The following TBC1D14 variants were observed in gnomAD, a reference collection of about 807,000 sequenced individuals.
TBC1D14 encodes the protein TBC1 domain family member 14, also known as TBC1 domain family, member 14.
A neutral mutation model predicts 79.0 loss-of-function variants in TBC1D14; 26 were observed. The observed-to-expected ratio is 0.33, with a 90% CI of 0.24 to 0.46. The LOEUF (loss-of-function observed/expected upper bound fraction) is 0.46. TBC1D14 is among the 20% of genes least tolerant of loss of function. The pLI is 1.00. For synonymous variants in TBC1D14, 394 were observed against 349.9 expected (o/e 1.13, Z -1.40); for missense variants, 769 against 887.6 (o/e 0.87, Z 1.70).
At chr4:6,995,080 G>T (rs1454259716) in intron 4 of TBC1D14, among the ~76,000 whole-genome samples, 3 of 152,178 alleles carry the variant, frequency 2.0e-5, no homozygotes, top group African/African-American at 7.2e-5. Flanking sequence ...TGTGGGTCCT[G>T]TTGTGTGAGG....
intron 11 of TBC1D14, among the ~76,000 whole-genome samples, chr4:7,012,906 A>G (rs563324500): frequency 6.6e-6 from 1 of 152,368 alleles, no homozygotes; most frequent in South Asian, 2.1e-4. Flanking sequence ...TCATTGGCAC[A>G]GTATATACTG....
chr4:6,924,681 C>A (rs1239457912), intron 2 of TBC1D14, among the ~76,000 whole-genome samples: 1 of 152,160 alleles, frequency 6.6e-6, no homozygotes, highest in Non-Finnish European at 1.5e-5. Context: ...CCATGCACTC[C>A]GTCCCCATGG....
Position 6,971,555 on chromosome 4 carries a change from T to C in TBC1D14, c.843+4131T>C, listed in dbSNP as rs373959804. Among the ~76,000 whole-genome samples the C allele has an allele frequency of 1.0e-4, 16 of 152,396 alleles. No homozygotes were observed. In the East Asian group the frequency reaches 1.3e-3, roughly 13 times the overall value. On this transcript the variant is annotated intron_variant, in intron 3 of 13. Coordinates refer to ENST00000409757, the MANE Select transcript of TBC1D14 (RefSeq NM_020773.3). ...TAAACATTTTGAAAATTAAGTCATA[T>C]TTTTTGTTAACCTCGATGGTAGTTT...
intron 1 of TBC1D14, among the ~76,000 whole-genome samples, chr4:6,918,650 A>C (rs1723593821): frequency 6.6e-6 from 1 of 152,214 alleles, no homozygotes; most frequent in African/African-American, 2.4e-5. Context: ...GCAGAGCCAG[A>C]ATTTCAGCTG....
At chr4:6,965,925 T>G (rs548940696) in intron 2 of TBC1D14, among the ~76,000 whole-genome samples, 1 of 152,330 alleles carries the variant, frequency 6.6e-6, no homozygotes, top group Admixed American at 6.5e-5. Flanking sequence ...AGGAGACACT[T>G]TCAAACTGTG....
chr4:7,015,367 G>T (rs1036937276), intron 12 of TBC1D14, among the ~76,000 whole-genome samples: 1 of 152,196 alleles, frequency 6.6e-6, no homozygotes, highest in African/African-American at 2.4e-5. Context: ...CTTGACTGCG[G>T]TTGGGGAAGG....
At position 6,958,376 on chromosome 4, in the gene TBC1D14, T is replaced by TATACACACACACACAC. The variant is rs538972596; in HGVS notation, c.723-8927_723-8926insTACACACACACACACA. 1.5e-3 allele frequency among the ~76,000 whole-genome samples: 223 copies of TATACACACACACACAC among 149,222 alleles called. 2 individuals are homozygous for TATACACACACACACAC. The highest frequency in any genetic ancestry group is 0.014 in the Middle Eastern group (4 of 290). ...GGGTGATACACGTGATCCCCACATATACACACACACACACACACACACACA... is the reference window on the plus strand; with the variant it reads ...GGGTGATACACGTGATCCCCACATATATACACACACACACACACACACACACACACACACACACACA... On this transcript the variant is annotated intron_variant, in intron 2 of 13. Transcript: ENST00000409757.
chr4:6,958,035 A>G (rs985704520), intron 2 of TBC1D14, among the ~76,000 whole-genome samples: 2 of 151,912 alleles, frequency 1.3e-5, no homozygotes, highest in African/African-American at 2.4e-5. Context: ...TGCTGCCTAG[A>G]AATATAACTC....
chr4:7,001,295 T>C (rs1719652105), intron 7 of TBC1D14, 44 bp downstream of exon 7: 1 of 1,533,064 alleles, frequency 6.5e-7, no homozygotes, highest in South Asian at 1.1e-5. Flanking sequence ...TCCAGGCCCT[T>C]TGGCTTCTTC....
At chr4:6,975,099 A>G (rs1164981921) in intron 3 of TBC1D14, among the ~76,000 whole-genome samples, 1 of 152,058 alleles carries the variant, frequency 6.6e-6, no homozygotes, top group Admixed American at 6.6e-5. Flanking sequence ...TTTTTAGTAG[A>G]GACAGGGTTT....
At chr4:6,987,127 G>A (rs1376704868) in intron 3 of TBC1D14, 1 of 1,133,350 alleles carries the variant, frequency 8.8e-7, no homozygotes, top group East Asian at 4.3e-5. Flanking sequence ...CCGCCCCCTT[G>A]GGAGTCTCCA....
intron 3 of TBC1D14, among the ~76,000 whole-genome samples, chr4:6,991,150 T>C (rs187924562): frequency 8.2e-4 from 125 of 152,372 alleles, no homozygotes; most frequent in African/African-American, 2.9e-3. Context: ...TGTGTTACTT[T>C]ATTATTTTAA....
At position 6,985,476 on chromosome 4, in the gene TBC1D14, G is replaced by C. The variant is rs1458074730; in HGVS notation, c.844-8708G>C. Among the ~76,000 whole-genome samples the C allele has an allele frequency of 4.6e-5, 7 of 152,298 alleles. No homozygotes were observed. The East Asian group carries it at 1.3e-3, about 29-fold the overall frequency. ...CAGTAAGAGATAAAACTTATGCCAAGAGCATTTGAGGAATTAGGGGTGTGT... is the reference window on the plus strand; with the variant it reads ...CAGTAAGAGATAAAACTTATGCCAACAGCATTTGAGGAATTAGGGGTGTGT... On this transcript the variant is annotated intron_variant, in intron 3 of 13. Transcript: ENST00000409757.
At chr4:6,960,939 G>C (rs1046784737) in intron 2 of TBC1D14, among the ~76,000 whole-genome samples, 1 of 152,198 alleles carries the variant, frequency 6.6e-6, no homozygotes, top group Non-Finnish European at 1.5e-5. Context: ...TTGGGAATGG[G>C]GCTTCTGAAG....
At chr4:6,974,238 A>AG (rs1716509295) in intron 3 of TBC1D14, among the ~76,000 whole-genome samples, 1 of 152,286 alleles carries the variant, frequency 6.6e-6, no homozygotes, top group Admixed American at 6.5e-5. Context: ...CTCCCAGAAA[A>AG]GGGGAGCTGA....
At chr4:6,960,055 A>G (rs1715038722) in intron 2 of TBC1D14, among the ~76,000 whole-genome samples, 1 of 150,978 alleles carries the variant, frequency 6.6e-6, no homozygotes, top group Non-Finnish European at 1.5e-5. Flanking sequence ...TATATGGGTG[A>G]AAAGTTGGCT....
chr4:7,028,816 T>C (rs1046679823), intron 13 of TBC1D14, among the ~76,000 whole-genome samples: 2 of 151,978 alleles, frequency 1.3e-5, no homozygotes, highest in Non-Finnish European at 2.9e-5. Context: ...GTTAAGACAC[T>C]GGTGAGCTTT....
At chr4:6,948,567 C>CT in intron 2 of TBC1D14, among the ~76,000 whole-genome samples, 1 of 147,372 alleles carries the variant, frequency 6.8e-6, no homozygotes, top group South Asian at 2.1e-4. Context: ...GTGTGCGTGC[C>CT]TGGGGGGTGG....
chr4:6,929,189 C>G (rs887459270), intron 2 of TBC1D14, among the ~76,000 whole-genome samples: 1 of 152,136 alleles, frequency 6.6e-6, no homozygotes, highest in South Asian at 2.1e-4. Context: ...GTGTGGTCCT[C>G]GGTAAGGCAG....
Sources: allele counts gnomAD v4.1 joint callset (sites outside exome capture counted in the v4.1 genomes callset), GRCh38; gene constraint gnomAD v4.1.1; transcripts MANE v1.5; gene names NCBI Gene and HGNC (gene_info 2026-07-23, HGNC 2026-07-21).